HRH1: variants seen among roughly 807,000 people sequenced by gnomAD.
HRH1 encodes histamine receptor H1, also known as histamine H1 receptor.
In HRH1, 6 loss-of-function variants were observed where a neutral mutation model predicts 10.3. The ratio of observed to expected loss-of-function variants is 0.58; its 90% confidence interval spans 0.32 to 1.15. The LOEUF is 1.15. Ranked by LOEUF, HRH1 falls within the 50% of genes most tolerant of loss-of-function variation. The pLI is 0.05. For missense variants in HRH1, 514 were observed against 615.3 expected (o/e 0.84, Z 1.74); for synonymous variants, 242 against 236.7 (o/e 1.02, Z -0.21).
At chr3:11,219,506 G>A (rs1043314360) in intron 1 of HRH1, among the ~76,000 whole-genome samples, 2 of 151,956 alleles carry the variant, frequency 1.3e-5, no homozygotes, top group Non-Finnish European at 2.9e-5. Flanking sequence ...GAGGTCAGGA[G>A]TTCAAAACCA....
At chr3:11,224,885 G>T (rs1196591436) in intron 1 of HRH1, among the ~76,000 whole-genome samples, 1 of 152,122 alleles carries the variant, frequency 6.6e-6, no homozygotes, top group African/African-American at 2.4e-5. Context: ...AGATAACACA[G>T]GTCCAATTCT....
rs1315905433 is a variant in HRH1 at position 11,154,668 on chromosome 3, G to A, written c.-36+114G>A. The A allele has an allele frequency of 1.3e-5, 2 of 152,048 alleles. No individual in the cohort carries two copies. Among genetic ancestry groups the A allele is most frequent in the Admixed American group, 1.3e-4 (2 of 15,262 alleles). 9.4% of individuals were successfully genotyped at this position (152,048 alleles called of 1,614,324 possible). On this transcript the variant is annotated intron_variant, in intron 1 of 1. Transcript: ENST00000431010. This position sits in a 1 kb window ranked among gnomAD's most constrained non-coding sequence, Gnocchi z 4.4. ...TCCCGGCAGGGCGGCCGGGAACCCCGGAGCCGCCCGCTTGAGAAGAGCGCG... is the reference window on the plus strand; with the variant it reads ...TCCCGGCAGGGCGGCCGGGAACCCCAGAGCCGCCCGCTTGAGAAGAGCGCG...
chr3:11,246,062 A>G (rs1939475527), intron 1 of HRH1, among the ~76,000 whole-genome samples: 1 of 151,900 alleles, frequency 6.6e-6, no homozygotes, highest in African/African-American at 2.4e-5. Context: ...ACATACACAC[A>G]GACTCTCACA....
At chr3:11,210,471 A>G (rs1938289895) in intron 1 of HRH1, among the ~76,000 whole-genome samples, 1 of 152,142 alleles carries the variant, frequency 6.6e-6, no homozygotes, top group Non-Finnish European at 1.5e-5. Context: ...GATGGTGTGT[A>G]CACCCAGTAC....
intron 1 of HRH1, among the ~76,000 whole-genome samples, chr3:11,230,458 C>T (rs559459899): frequency 6.6e-6 from 1 of 152,280 alleles, no homozygotes; most frequent in South Asian, 2.1e-4. Flanking sequence ...AGCTGGATCC[C>T]AGTGTACGAT....
intron 1 of HRH1, among the ~76,000 whole-genome samples, chr3:11,238,036 C>CTTTGTTTGTTTGTTTG (rs34450745): frequency 4.4e-4 from 67 of 150,704 alleles, no homozygotes; most frequent in African/African-American, 8.3e-4. Flanking sequence ...TTAATGCTGC[C>CTTTGTTTGTTTGTTTG]TTTGTTTGTT....
At chr3:11,246,300 T>C (rs1939488000) in intron 1 of HRH1, among the ~76,000 whole-genome samples, 1 of 152,170 alleles carries the variant, frequency 6.6e-6, no homozygotes, top group South Asian at 2.1e-4. Flanking sequence ...CATGGCTCCT[T>C]TAGCTTTTAT....
At chr3:11,153,902 T>C (rs566262784), upstream of HRH1, among the ~76,000 whole-genome samples, 2 of 152,274 alleles carry the variant, frequency 1.3e-5, no homozygotes, top group African/African-American at 4.8e-5. Context: ...CTGGGGTCTC[T>C]TTAGTTCCCC....
chr3:11,198,971 T>C (rs1937791410), intron 1 of HRH1, among the ~76,000 whole-genome samples: 1 of 151,690 alleles, frequency 6.6e-6, no homozygotes, highest in Non-Finnish European at 1.5e-5. Context: ...TCAGTCAGGC[T>C]GGAGTGCAGT....
chr3:11,196,356 A>T (rs1313646664), intron 1 of HRH1, among the ~76,000 whole-genome samples: 2 of 152,056 alleles, frequency 1.3e-5, no homozygotes, highest in Non-Finnish European at 2.9e-5. Flanking sequence ...TCTTACAGAC[A>T]TTCCTCACAT....
intron 1 of HRH1, among the ~76,000 whole-genome samples, chr3:11,148,439 G>GT (rs975292341): frequency 5.3e-5 from 8 of 152,054 alleles, no homozygotes; most frequent in South Asian, 2.1e-4. Flanking sequence ...TCTTTATCAT[G>GT]TAAAAAAAAA....
intron 1 of HRH1, among the ~76,000 whole-genome samples, chr3:11,251,637 C>T (rs754394161): frequency 6.6e-6 from 1 of 152,038 alleles, no homozygotes; most frequent in African/African-American, 2.4e-5. Flanking sequence ...TGGTCTGGGG[C>T]ATGGGTTTTT....
Position 11,261,836 on chromosome 3 carries a change from CA to C in HRH1, c.*1346del, listed in dbSNP as rs34162964. On this transcript the variant is annotated 3_prime_UTR_variant, in exon 2 of 2. Transcript: ENST00000431010. Reference sequence around the variant, plus strand: ...TGGGCAACAGAGCAAGACTCTGTCTCAAAAAAAAAAATACAATATTTTAACA... The same window carrying C: ...TGGGCAACAGAGCAAGACTCTGTCTCAAAAAAAAAATACAATATTTTAACA... 3.1e-3 allele frequency: 489 copies of C among 155,386 alleles called. 4 individuals are homozygous for C. Among genetic ancestry groups the C allele is most frequent in the Middle Eastern group, 0.021 (6 of 280 alleles). 9.6% of individuals were successfully genotyped at this position (155,386 alleles called of 1,614,324 possible).
intron 1 of HRH1, among the ~76,000 whole-genome samples, chr3:11,144,334 G>A (rs1221189571): frequency 1.4e-5 from 1 of 70,834 alleles, no homozygotes; most frequent in Non-Finnish European, 2.6e-5. Flanking sequence ...GTCTAAAAAT[G>A]TGATATGTAT....
intron 1 of HRH1, among the ~76,000 whole-genome samples, chr3:11,216,107 G>A (rs771292130): frequency 5.3e-5 from 8 of 152,026 alleles, no homozygotes; most frequent in Non-Finnish European, 1.2e-4. Flanking sequence ...ATGGTTAGTC[G>A]AGGGCCCTGA....
intron 1 of HRH1, among the ~76,000 whole-genome samples, chr3:11,215,929 T>C (rs1938477212): frequency 6.6e-6 from 1 of 152,188 alleles, no homozygotes; most frequent in African/African-American, 2.4e-5. Flanking sequence ...TAAACAAGTA[T>C]TAGAGACATC....
At chr3:11,225,595 G>A (rs1055202452) in intron 1 of HRH1, among the ~76,000 whole-genome samples, 3 of 152,256 alleles carry the variant, frequency 2.0e-5, no homozygotes, top group African/African-American at 7.2e-5. Context: ...AGGACACAGA[G>A]ATGACTCAGA....
chr3:11,210,373 GA>G (rs1384656444), intron 1 of HRH1, among the ~76,000 whole-genome samples: 24 of 151,988 alleles, frequency 1.6e-4, no homozygotes, highest in Admixed American at 4.6e-4. Context: ...CAGCCTGGGT[GA>G]CAAAACGAGA....
At chr3:11,211,920 G>A (rs980714778) in intron 1 of HRH1, among the ~76,000 whole-genome samples, 1 of 152,194 alleles carries the variant, frequency 6.6e-6, no homozygotes, top group Non-Finnish European at 1.5e-5. Flanking sequence ...TATTTGAAGT[G>A]CAGTGTCCGG....
Sources: gnomAD v4.1 joint callset for allele counts (sites outside exome capture counted in the v4.1 genomes callset) on GRCh38, gnomAD v4.1.1 for gene constraint, Gnocchi (gnomAD v3.1) non-coding constraint, MANE v1.5 for transcripts, NCBI Gene and HGNC (gene_info 2026-07-23, HGNC 2026-07-21) for gene names.